The following HBS1L variants were observed in gnomAD, a reference collection of about 807,000 sequenced individuals.
HBS1L encodes HBS1-like protein.
HBS1L carries 55 observed loss-of-function variants against 88.9 expected under a neutral mutation model. The observed-to-expected ratio is 0.62, with a 90% CI of 0.50 to 0.77. The LOEUF is 0.77. HBS1L is among the 30% of genes least tolerant of loss of function. The probability of loss-of-function intolerance (pLI) is 0.00; values close to 1 mark genes in which losing one functional copy is unlikely to be tolerated. For missense variants in HBS1L, 741 were observed against 829.3 expected (o/e 0.89, Z 1.31); for synonymous variants, 267 against 288.5 (o/e 0.93, Z 0.76).
chr6:135,030,622 G>A (rs1261958794), intron 4 of HBS1L, among the ~76,000 whole-genome samples: 1 of 152,112 alleles, frequency 6.6e-6, no homozygotes, highest in African/African-American at 2.4e-5. Context: ...AGATGTTTAG[G>A]TAATTCTGCT....
intron 15 of HBS1L, among the ~76,000 whole-genome samples, chr6:134,973,478 A>C (rs1340266646): frequency 6.6e-6 from 1 of 152,220 alleles, no homozygotes; most frequent in African/African-American, 2.4e-5. Context: ...TCATGGGTAC[A>C]GATTTTCAGT....
At chr6:135,003,309 G>A (rs935108123) in intron 4 of HBS1L, among the ~76,000 whole-genome samples, 1 of 152,128 alleles carries the variant, frequency 6.6e-6, no homozygotes, top group African/African-American at 2.4e-5. Context: ...CTGGAATATA[G>A]TATATATTTT....
intron 5 of HBS1L, 146 bp from the exon 6 acceptor site, chr6:134,997,802 G>C: frequency 1.3e-6 from 1 of 746,410 alleles, no homozygotes; most frequent in Admixed American, 2.4e-5. Context: ...GTCTGTTAAG[G>C]TGGAAATGAT....
At chr6:134,992,369 T>C (rs1775164758) in intron 8 of HBS1L, among the ~76,000 whole-genome samples, 1 of 152,200 alleles carries the variant, frequency 6.6e-6, no homozygotes, top group African/African-American at 2.4e-5. Flanking sequence ...ATAGTCGCCA[T>C]AATGTCATAG....
chr6:135,050,749 T>C, intron 1 of HBS1L, 102 bp from the exon 2 acceptor site: 3 of 739,500 alleles, frequency 4.1e-6, no homozygotes, highest in Non-Finnish European at 6.7e-6. Flanking sequence ...AAACTGTTTA[T>C]CAAAATTTAA....
intron 8 of HBS1L, among the ~76,000 whole-genome samples, chr6:134,990,189 A>G (rs1775091886): frequency 6.6e-6 from 1 of 152,178 alleles, no homozygotes; most frequent in African/African-American, 2.4e-5. Flanking sequence ...CCAAAAAATT[A>G]CTGGGAAATT....
chr6:134,998,424 C>CTG (rs35057238), intron 5 of HBS1L, among the ~76,000 whole-genome samples: 71,888 of 151,900 alleles, frequency 0.47, 17,239 homozygotes, highest in South Asian at 0.57. Context: ...CAGTGCAACT[C>CTG]TGAATAGCTA....
At chr6:135,003,354 A>G (rs1775518651) in intron 4 of HBS1L, among the ~76,000 whole-genome samples, 2 of 152,164 alleles carry the variant, frequency 1.3e-5, no homozygotes, top group African/African-American at 2.4e-5. Context: ...TAAAATACTG[A>G]TATCTATAAA....
intron 4 of HBS1L, among the ~76,000 whole-genome samples, chr6:135,024,439 C>CAAAAAAAAAAA (rs60663059): frequency 1.5e-5 from 1 of 66,494 alleles, no homozygotes; most frequent in African/African-American, 4.8e-5. Flanking sequence ...GACTTCGTCT[C>CAAAAAAAAAAA]AAAAAAAAAA....
chr6:135,026,420 C>G (rs936894788), intron 4 of HBS1L, among the ~76,000 whole-genome samples: 1 of 151,942 alleles, frequency 6.6e-6, no homozygotes, highest in Non-Finnish European at 1.5e-5. Context: ...TCCAAGTTAT[C>G]AAAGAACACA....
intron 4 of HBS1L, among the ~76,000 whole-genome samples, chr6:135,016,129 G>A (rs1775915239): frequency 6.7e-6 from 1 of 150,280 alleles, no homozygotes; most frequent in South Asian, 2.1e-4. Context: ...CAGGTGATCC[G>A]CCCACCTTGG....
intron 12 of HBS1L, chr6:134,983,433 G>A (rs975472227): frequency 1.3e-5 from 2 of 151,882 alleles, no homozygotes; most frequent in Non-Finnish European, 2.9e-5. Context: ...AACAAGTTTG[G>A]AGTGGTAAGG....
intron 4 of HBS1L, chr6:135,026,772 T>C (rs1776237534): frequency 6.6e-6 from 1 of 151,920 alleles, no homozygotes; most frequent in African/African-American, 2.4e-5. Flanking sequence ...AAAGTTCATG[T>C]ATCTTTATAT....
chr6:134,985,393 G>A lies in HBS1L; in HGVS notation c.1440C>T (p.Pro480=). The change falls in exon 12 of 18, where the codon CCC becomes CCT. Residue 480 remains proline, a synonymous_variant. Transcript: ENST00000367837. The part of the protein sequence containing the change: ...LLEQIDSFKP[P]QRSIDKPFRL... ...TAAAAGGTTTGTCAATAGATCGCTG[G>A]GGAGGCTTAAAGGAATCTGGAAAAA... 1 of 1,602,076 alleles carries A rather than the reference G, an allele frequency of 6.2e-7. No individual in the cohort carries two copies. The highest frequency in any genetic ancestry group is 8.5e-7 in the Non-Finnish European group (1 of 1,174,926).
At position 134,965,296 on chromosome 6, in the gene HBS1L, A is replaced by T. The variant is rs1196900541; in HGVS notation, c.2044-6T>A. ...CTGACCCATCATTCTTTTATCTGTT[A>T]AAACAAAAAAAAAAAAGACATTTGC... On this transcript the variant is annotated splice_polypyrimidine_tract_variant and splice_region_variant and intron_variant, in intron 17 of 17. Transcript: ENST00000367837. The T allele has an allele frequency of 3.3e-6, 5 of 1,531,326 alleles. No homozygotes were observed. Among genetic ancestry groups the T allele is most frequent in the Non-Finnish European group, 4.5e-6 (5 of 1,119,496 alleles). The allele number at this position is 1,531,326 out of a possible 1,614,324, so 94.9% of individuals were successfully genotyped here.
At chr6:135,044,502 T>C (rs955024403) in intron 2 of HBS1L, among the ~76,000 whole-genome samples, 4 of 152,176 alleles carry the variant, frequency 2.6e-5, no homozygotes, top group African/African-American at 9.7e-5. Flanking sequence ...ATTTCATAAA[T>C]TCTCTAAGAG....
At chr6:134,991,993 G>A (rs145415907) in intron 8 of HBS1L, among the ~76,000 whole-genome samples, 125 of 152,252 alleles carry the variant, frequency 8.2e-4, no homozygotes, top group Middle Eastern at 3.4e-3. Context: ...CCTTGAGCCC[G>A]GGAAGTTGTG....
At chr6:135,005,050 A>G (rs188722590) in intron 4 of HBS1L, among the ~76,000 whole-genome samples, 12 of 152,348 alleles carry the variant, frequency 7.9e-5, no homozygotes, top group African/African-American at 2.9e-4. Flanking sequence ...TGGCATTACC[A>G]GGATCTGGGG....
Position 134,961,788 on chromosome 6 carries a change from C to CACCCATAGACCCCAGTGGTGTGCAGT in HBS1L, c.*3465_*3490dup, listed in dbSNP as rs574555580. On this transcript the variant is annotated 3_prime_UTR_variant, in exon 18 of 18. Transcript: ENST00000367837. ...CTCCTTACACCTTCCCACTGAGAAGCACCCATAGACCCCAGTGGTGTGCAG... is the reference window on the plus strand; with the variant it reads ...CTCCTTACACCTTCCCACTGAGAAGCACCCATAGACCCCAGTGGTGTGCAGTACCCATAGACCCCAGTGGTGTGCAG... 3.1e-3 allele frequency: 476 copies of CACCCATAGACCCCAGTGGTGTGCAGT among 152,296 alleles called. 2 individuals are homozygous for CACCCATAGACCCCAGTGGTGTGCAGT. Among genetic ancestry groups the CACCCATAGACCCCAGTGGTGTGCAGT allele is most frequent in the African/African-American group, 0.011 (460 of 41,548 alleles). 9.4% of individuals were successfully genotyped at this position (152,296 alleles called of 1,614,324 possible).
Sources: gnomAD v4.1 joint callset for allele counts (sites outside exome capture counted in the v4.1 genomes callset) on GRCh38, gnomAD v4.1.1 for gene constraint, MANE v1.5 for transcripts, NCBI Gene and HGNC (gene_info 2026-07-23, HGNC 2026-07-21) for gene names.